SERPINB13: variants seen among roughly 807,000 people sequenced by gnomAD.
SERPINB13 encodes serpin B13.
In SERPINB13, 26 loss-of-function variants were observed where a neutral mutation model predicts 31.2. The ratio of observed to expected loss-of-function variants is 0.83; its 90% CI spans 0.61 to 1.15. SERPINB13 has a LOEUF of 1.15. Ranked by LOEUF, SERPINB13 falls within the 50% of genes most tolerant of loss-of-function variation. The pLI is 0.00. For synonymous variants in SERPINB13, 191 were observed against 172.4 expected, an observed-to-expected ratio of 1.11 and a Z score of -0.85; for missense variants, 510 against 469.4, an observed-to-expected ratio of 1.09 and a Z score of -0.80.
chr18:63,597,564 C>T lies in SERPINB13; in HGVS notation c.*201C>T. 2 of 590,202 alleles carry T rather than the reference C, an allele frequency of 3.4e-6. No individual in the cohort carries two copies. Among genetic ancestry groups the T allele is most frequent in the Non-Finnish European group, 5.8e-6 (2 of 346,078 alleles). 36.6% of individuals were successfully genotyped at this position (590,202 alleles called of 1,614,324 possible). A position where few individuals can be genotyped will look rare whatever the true frequency, so the allele number is the denominator to read the frequency against. On this transcript the variant is annotated 3_prime_UTR_variant, in exon 8 of 8. Coordinates refer to ENST00000344731, the MANE Select transcript of SERPINB13 (RefSeq NM_012397.4). ...AAGTGAAATGTCCTTTTCTTTGTGC[C>T]ATGCGTAAGGTGAGTCAAACCAAAC...
At position 63,588,815 on chromosome 18, in the gene SERPINB13, G is replaced by C; in HGVS notation, c.148G>C (p.Ala50Pro). The part of the protein sequence containing the change: ...MVLLGTRGAT[A>P]SQLEEVFHSE... ...CCTCCTGGGGACCCGAGGAGCCACC[G>C]CTTCCCAGTTGGAGGAGGTTGGGCG... Residue 50 changes from alanine to proline, a missense_variant, in exon 2 of 8, where the codon GCT becomes CCT. By Grantham distance (27) the Ala-to-Pro change is conservative. Transcript: ENST00000344731. 1 of 1,613,878 alleles carries C rather than the reference G, an allele frequency of 6.2e-7. No individual in the cohort carries two copies. Among genetic ancestry groups the C allele is most frequent in the Non-Finnish European group, 8.5e-7 (1 of 1,179,894 alleles).
intron 3 of SERPINB13, among the ~76,000 whole-genome samples, chr18:63,590,233 A>G (rs1242137155): frequency 1.3e-5 from 2 of 152,180 alleles, no homozygotes; most frequent in East Asian, 1.9e-4. Flanking sequence ...AAAAATTATT[A>G]CAGGCCCAAT....
In SERPINB13 at chr18:63,592,749, A is replaced by G. The variant is rs1414542524; in HGVS notation, c.355-105A>G. The G allele has an allele frequency of 5.0e-6, 4 of 793,722 alleles. No individual in the cohort carries two copies. In the African/African-American group the frequency reaches 6.9e-5, roughly 14 times the overall value. The allele number at this position is 793,722 out of a possible 1,614,324, so 49.2% of individuals were successfully genotyped here. ...TGCCCAGGGCCTTAAAATTTCTCTTACTGTATTAGTCATCCTAATGTATAC... is the reference window on the plus strand; with the variant it reads ...TGCCCAGGGCCTTAAAATTTCTCTTGCTGTATTAGTCATCCTAATGTATAC... On this transcript the variant is annotated intron_variant, in intron 4 of 7. Coordinates refer to ENST00000344731, the MANE Select transcript of SERPINB13 (RefSeq NM_012397.4).
intron 2 of SERPINB13, 73 bp downstream of exon 2, chr18:63,588,905 T>C (rs532635009): frequency 1.4e-6 from 2 of 1,477,036 alleles, no homozygotes; most frequent in Non-Finnish European, 1.8e-6. Flanking sequence ...TCAGCCCTCT[T>C]GCATTATCTT....
At position 63,598,359 on chromosome 18, in the gene SERPINB13, C is replaced by T. The variant is rs1467541302; in HGVS notation, c.*996C>T. 2 of 152,034 alleles carry T rather than the reference C, an allele frequency of 1.3e-5. No homozygotes were observed. The highest frequency in any genetic ancestry group is 2.4e-5 in the African/African-American group (1 of 41,412). The allele number at this position is 152,034 out of a possible 1,614,324, so 9.4% of individuals were successfully genotyped here. A position where few individuals can be genotyped will look rare whatever the true frequency, so the allele number is the denominator to read the frequency against. On this transcript the variant is annotated 3_prime_UTR_variant, in exon 8 of 8. Coordinates refer to ENST00000344731, the MANE Select transcript of SERPINB13 (RefSeq NM_012397.4). ...TCATTGACTTTTAGTAAATTTCTAG[C>T]GTTATGCATCGCCACAATCCAGTTT...
At chr18:63,594,081 A>G (rs1912009942) in intron 5 of SERPINB13, 1 of 1,188,972 alleles carries the variant, frequency 8.4e-7, no homozygotes, top group South Asian at 1.3e-5. Flanking sequence ...TCCTCAGCTG[A>G]TAAGAGGCAA....
chr18:63,593,099 G>A (rs1599449109), intron 5 of SERPINB13, 128 bp downstream of exon 5: 2 of 642,226 alleles, frequency 3.1e-6, no homozygotes, highest in African/African-American at 1.8e-5. Flanking sequence ...GCCATGCAGT[G>A]CACAAGCTTT....
intron 2 of SERPINB13, among the ~76,000 whole-genome samples, 182 bp from the exon 3 acceptor site, chr18:63,589,474 C>T (rs1911719213): frequency 6.6e-6 from 1 of 151,986 alleles, no homozygotes. Context: ...CACACACACA[C>T]ACACACACAC....
rs754682449 is a variant in SERPINB13, at chr18:63,597,188, C to G, written c.1001C>G (p.Ser334Cys). Residue 334 changes from serine (S) to cysteine (C), a missense_variant, in exon 8 of 8, where the codon TCC becomes TGC. Transcript: ENST00000344731. ...GLYAQKFLHS[S>C]FVAVTEEGTE... ...TACGCCCAGAAGTTCCTGCACAGTT[C>G]CTTTGTGGCAGTAACTGAGGAAGGC... 1.9e-6 allele frequency: 3 copies of G among 1,614,192 alleles called. No individual in the cohort carries two copies. Among genetic ancestry groups the G allele is most frequent in the Non-Finnish European group, 2.5e-6 (3 of 1,180,036 alleles).
intron 5 of SERPINB13, 83 bp from the exon 6 acceptor site, chr18:63,594,272 A>G (rs1912023707): frequency 6.3e-7 from 1 of 1,588,864 alleles, no homozygotes; most frequent in Non-Finnish European, 8.6e-7. Context: ...ATGATCAGTC[A>G]AGTCCATCTG....
intron 3 of SERPINB13, among the ~76,000 whole-genome samples, chr18:63,590,812 A>T (rs973410811): frequency 1.3e-5 from 2 of 152,178 alleles, no homozygotes; most frequent in Non-Finnish European, 2.9e-5. Flanking sequence ...TGGGAGCCAC[A>T]GGGGTATGAA....
In SERPINB13 at chr18:63,597,166, G is replaced by A. The variant is rs185543305; in HGVS notation, c.979G>A (p.Ala327Thr). Reference protein sequence around the residue: ...SGMSSGSGLYAQKFLHSSFVA... With the variant: ...SGMSSGSGLYTQKFLHSSFVA... ...AATGTCGTCAGGCTCCGGGTTGTACGCCCAGAAGTTCCTGCACAGTTCCTT... is the reference window on the plus strand; with the variant it reads ...AATGTCGTCAGGCTCCGGGTTGTACACCCAGAAGTTCCTGCACAGTTCCTT... The change falls in exon 8 of 8, where the codon GCC becomes ACC. Residue 327 changes from alanine (A) to threonine (T), a missense_variant. Coordinates refer to ENST00000344731, the MANE Select transcript of SERPINB13 (RefSeq NM_012397.4). The A allele has an allele frequency of 6.2e-6, 10 of 1,614,072 alleles. No homozygotes were observed. The African/African-American group carries it at 9.3e-5, about 15-fold the overall frequency.
At chr18:63,589,585 C>G (rs1911727542) in intron 2 of SERPINB13, 71 bp from the exon 3 acceptor site, 2 of 1,563,026 alleles carry the variant, frequency 1.3e-6, no homozygotes, top group East Asian at 4.7e-5. Flanking sequence ...AGCGTCCACT[C>G]TCCCCTGACT....
intron 5 of SERPINB13, 139 bp downstream of exon 5, chr18:63,593,110 G>A: frequency 1.6e-6 from 1 of 609,280 alleles, no homozygotes; most frequent in East Asian, 2.7e-5. Context: ...CACAAGCTTT[G>A]GGAAGGGACT....
Position 63,597,701 on chromosome 18 carries a change from T to TG in SERPINB13, c.*344dup, listed in dbSNP as rs908433628. ...AGTAAAGAGTACGAACTAGTAATTT[T>TG]GGGGGGTCTCTCTAATTCTGGTATT... On this transcript the variant is annotated 3_prime_UTR_variant, in exon 8 of 8. Transcript: ENST00000344731. The TG allele has an allele frequency of 6.5e-5, 13 of 201,238 alleles. No individual in the cohort carries two copies. The South Asian group carries it at 1.1e-3, about 16-fold the overall frequency. The allele number at this position is 201,238 out of a possible 1,614,324, so 12.5% of individuals were successfully genotyped here.
rs773672500 is a variant in SERPINB13 at position 63,588,820 on chromosome 18, C to G, written c.153C>G (p.Ser51=). 7 of 1,613,800 alleles carry G rather than the reference C, an allele frequency of 4.3e-6. No individual in the cohort carries two copies. The East Asian group carries it at 1.6e-4, about 36-fold the overall frequency. The part of the protein sequence containing the change: ...VLLGTRGATA[S]QLEEVFHSEK... Reference sequence around the variant, plus strand: ...TGGGGACCCGAGGAGCCACCGCTTCCCAGTTGGAGGAGGTTGGGCGCAGTC... The same window carrying G: ...TGGGGACCCGAGGAGCCACCGCTTCGCAGTTGGAGGAGGTTGGGCGCAGTC... Residue 51 remains serine, a synonymous_variant, in exon 2 of 8, where the codon TCC becomes TCG. Coordinates refer to ENST00000344731, the MANE Select transcript of SERPINB13 (RefSeq NM_012397.4).
In SERPINB13 at chr18:63,597,068, A is replaced by G; in HGVS notation, c.881A>G (p.Tyr294Cys). The change falls in exon 8 of 8, where the codon TAC becomes TGC. Residue 294 changes from tyrosine (Y) to cysteine (C), a missense_variant. By Grantham distance (194) the Tyr-to-Cys change is radical. Coordinates refer to ENST00000344731, the MANE Select transcript of SERPINB13 (RefSeq NM_012397.4). ...CCCCGGTTTGAGGTGGAGGACGGTT[A>G]CGATCTAGAGGCGGTCCTGGCTGCC... ...HLPRFEVEDGYDLEAVLAAMG... is the reference protein window; with the variant it reads ...HLPRFEVEDGCDLEAVLAAMG... 6.2e-7 allele frequency: 1 copy of G among 1,614,234 alleles called. No homozygotes were observed. The highest frequency in any genetic ancestry group is 8.5e-7 in the Non-Finnish European group (1 of 1,180,022).
chr18:63,589,933 G>T, intron 3 of SERPINB13: 1 of 928,876 alleles, frequency 1.1e-6, no homozygotes, highest in South Asian at 2.0e-5. Flanking sequence ...AGAGACCTTA[G>T]GTGTAATGGA....
intron 3 of SERPINB13, 25 bp from the exon 4 acceptor site, chr18:63,592,323 T>C: frequency 1.9e-6 from 3 of 1,600,622 alleles, no homozygotes; most frequent in South Asian, 2.3e-5. Flanking sequence ...AGATAACCTG[T>C]TGAGATTTTG....
Sources: allele counts gnomAD v4.1 joint callset (sites outside exome capture counted in the v4.1 genomes callset), GRCh38; gene constraint gnomAD v4.1.1; transcripts MANE v1.5; gene names NCBI Gene and HGNC (gene_info 2026-07-23, HGNC 2026-07-21).